The following SLC35F5 variants were observed in gnomAD, a reference collection of about 807,000 sequenced individuals.
SLC35F5 encodes HCV NS5A-transactivated protein 3.
A neutral mutation model predicts 68.6 loss-of-function variants in SLC35F5; 54 were observed. The ratio of observed to expected loss-of-function variants is 0.79; its 90% CI spans 0.63 to 0.99. The LOEUF (loss-of-function observed/expected upper bound fraction) is 0.99, where lower values mean the gene tolerates loss of function less well. Among genes scored for constraint, SLC35F5 ranks in the 50% least tolerant of loss-of-function variants. SLC35F5 has a pLI of 0.00. For synonymous variants in SLC35F5, 211 were observed against 205.2 expected (o/e 1.03, Z -0.24); for missense variants, 567 against 626.9 (o/e 0.90, Z 1.02).
At chr2:113,749,155 T>C (rs2104479766) in intron 4 of SLC35F5, among the ~76,000 whole-genome samples, 1 of 152,298 alleles carries the variant, frequency 6.6e-6, no homozygotes, top group Non-Finnish European at 1.5e-5. Flanking sequence ...CCTCCCAGCA[T>C]GCTGGGATTA....
chr2:113,724,911 T>C (rs1343370944), intron 12 of SLC35F5, among the ~76,000 whole-genome samples: 3 of 152,140 alleles, frequency 2.0e-5, no homozygotes, highest in African/African-American at 4.8e-5. Flanking sequence ...GGCTCACCCA[T>C]ATGAAAGGTT....
At chr2:113,728,315 A>T (rs1687747784) in intron 11 of SLC35F5, among the ~76,000 whole-genome samples, 1 of 152,112 alleles carries the variant, frequency 6.6e-6, no homozygotes, top group African/African-American at 2.4e-5. Flanking sequence ...TTTTAAAAAA[A>T]ATTAAATAGA....
rs746238543 is a variant in SLC35F5 at position 113,725,425 on chromosome 2, G to A, written c.1203C>T (p.Ile401=). The change falls in exon 12 of 16, where the codon ATC becomes ATT. Residue 401 remains isoleucine (I), a synonymous_variant. Coordinates refer to ENST00000245680, the MANE Select transcript of SLC35F5 (RefSeq NM_025181.5). ...FPNKVVLMCI[I]INGLIGTVLS... is the part of the protein sequence containing the mutation. ...GTACTGTTCCAATAAGGCCATTAATGATAATGCACATTAATACTACTTTAT... is the reference window on the plus strand; with the variant it reads ...GTACTGTTCCAATAAGGCCATTAATAATAATGCACATTAATACTACTTTAT... 3.9e-5 allele frequency: 63 copies of A among 1,611,478 alleles called. No individual in the cohort carries two copies. The highest frequency in any genetic ancestry group is 1.7e-4 in the Middle Eastern group (1 of 6,026).
Position 113,719,309 on chromosome 2 carries a change from C to A in SLC35F5, c.1342-1G>T. The A allele has an allele frequency of 6.5e-7, 1 of 1,542,852 alleles. No homozygotes were observed. ...CAAAAAATAACCAAGAAAACTGCAC[C>A]TAAAAATAAAAGATAGAGGAAAAAA... On this transcript the variant is annotated splice_acceptor_variant, in intron 13 of 15. Coordinates refer to ENST00000245680, the MANE Select transcript of SLC35F5 (RefSeq NM_025181.5). LOFTEE classifies it high-confidence loss of function.
At position 113,708,406 on chromosome 2, in the gene SLC35F5, TAA is replaced by T. The variant is rs1686863134; in HGVS notation, c.*6810_*6811del. 6.6e-6 allele frequency among the ~76,000 whole-genome samples: 1 copy of T among 152,142 alleles called. No homozygotes were observed. Among genetic ancestry groups the T allele is most frequent in the Admixed American group, 6.5e-5 (1 of 15,270 alleles). Reference sequence around the variant, plus strand: ...TAGTGAACACCCTAGTGACAACTTTTAAATAAAATACTGGATAGCTGGGCGCA... The same window carrying T: ...TAGTGAACACCCTAGTGACAACTTTTATAAAATACTGGATAGCTGGGCGCA... On this transcript the variant is annotated 3_prime_UTR_variant, in exon 16 of 16. Coordinates refer to ENST00000245680, the MANE Select transcript of SLC35F5 (RefSeq NM_025181.5).
At chr2:113,729,090 C>A (rs974073560) in intron 11 of SLC35F5, among the ~76,000 whole-genome samples, 1 of 152,192 alleles carries the variant, frequency 6.6e-6, no homozygotes, top group Admixed American at 6.5e-5. Context: ...CTCTCACATG[C>A]TTGTAAGAGC....
At chr2:113,734,553 C>T (rs919578300) in intron 9 of SLC35F5, 33 bp downstream of exon 9, 18 of 1,207,416 alleles carry the variant, frequency 1.5e-5, no homozygotes, top group Non-Finnish European at 1.9e-5. Flanking sequence ...TATTTTTAAG[C>T]AGAGCAAACT....
At position 113,707,914 on chromosome 2, in the gene SLC35F5, T is replaced by C. The variant is rs1574193194; in HGVS notation, c.*7304A>G. 6.6e-6 allele frequency among the ~76,000 whole-genome samples: 1 copy of C among 152,202 alleles called. No individual in the cohort carries two copies. The highest frequency in any genetic ancestry group is 1.5e-5 in the Non-Finnish European group (1 of 68,042). On this transcript the variant is annotated 3_prime_UTR_variant, in exon 16 of 16. Coordinates refer to ENST00000245680, the MANE Select transcript of SLC35F5 (RefSeq NM_025181.5). ...CTAGTTGAACCTTTATACTACAATGTATCCTGGCACTTATTTTTTTTAAAC... is the reference window on the plus strand; with the variant it reads ...CTAGTTGAACCTTTATACTACAATGCATCCTGGCACTTATTTTTTTTAAAC...
At chr2:113,705,769 T>TTCCCTAAGAGTATTTTTACTCTC (rs1559296481), downstream of SLC35F5, among the ~76,000 whole-genome samples, 2 of 151,720 alleles carry the variant, frequency 1.3e-5, no homozygotes, top group African/African-American at 2.4e-5. Flanking sequence ...TTTTTACTCT[T>TTCCCTAAGAGTATTTTTACTCTC]TCCCAAAGCT....
Position 113,712,934 on chromosome 2 carries a change from T to C in SLC35F5, c.*2284A>G, listed in dbSNP as rs1279936952. 6.6e-6 allele frequency: 1 copy of C among 152,168 alleles called. No individual in the cohort carries two copies. Among genetic ancestry groups the C allele is most frequent in the African/African-American group, 2.4e-5 (1 of 41,436 alleles). 9.4% of individuals were successfully genotyped at this position (152,168 alleles called of 1,614,324 possible). Reference sequence around the variant, plus strand: ...TTCCAAAGACCTGCAATGTGCTCATTGTGATCCAAGGGCCTTGTTACCTAG... The same window carrying C: ...TTCCAAAGACCTGCAATGTGCTCATCGTGATCCAAGGGCCTTGTTACCTAG... On this transcript the variant is annotated 3_prime_UTR_variant, in exon 16 of 16. Coordinates refer to ENST00000245680, the MANE Select transcript of SLC35F5 (RefSeq NM_025181.5).
chr2:113,749,526 G>A (rs963897338), intron 4 of SLC35F5, among the ~76,000 whole-genome samples: 2 of 152,078 alleles, frequency 1.3e-5, no homozygotes, highest in African/African-American at 4.8e-5. Flanking sequence ...TTTTAAAAAG[G>A]ATGTACTTAT....
At chr2:113,734,853 A>G (rs531459045) in intron 8 of SLC35F5, among the ~76,000 whole-genome samples, 180 bp from the exon 9 acceptor site, 2 of 152,344 alleles carry the variant, frequency 1.3e-5, no homozygotes, top group Admixed American at 1.3e-4. Context: ...TTTAAAGTTC[A>G]TGCATAAAAT....
intron 4 of SLC35F5, among the ~76,000 whole-genome samples, chr2:113,748,729 TG>T (rs1373528323): frequency 6.6e-6 from 1 of 152,210 alleles, no homozygotes; most frequent in African/African-American, 2.4e-5. Context: ...CTCATATTTT[TG>T]GTAAGTTAAA....
chr2:113,709,491 C>G lies in SLC35F5; in HGVS notation c.*5727G>C, dbSNP rs1253458584. On this transcript the variant is annotated 3_prime_UTR_variant, in exon 16 of 16. Coordinates refer to ENST00000245680, the MANE Select transcript of SLC35F5 (RefSeq NM_025181.5). ...AGCATTTTTCAAGCATCCAGGCACGCTGGGCCTGGTATTTCAATTAGAGTT... is the reference window on the plus strand; with the variant it reads ...AGCATTTTTCAAGCATCCAGGCACGGTGGGCCTGGTATTTCAATTAGAGTT... Among the ~76,000 whole-genome samples, 2 of 152,236 alleles carry G rather than the reference C, an allele frequency of 1.3e-5. No homozygotes were observed. Among genetic ancestry groups the G allele is most frequent in the African/African-American group, 2.4e-5 (1 of 41,464 alleles).
Position 113,719,256 on chromosome 2 carries a change from A to G in SLC35F5, c.1394T>C (p.Phe465Ser). Residue 465 changes from phenylalanine to serine, a missense_variant, in exon 14 of 16, where the codon TTT becomes TCT. Transcript: ENST00000245680. ...ATGGCATAGGAGAGTTACAATAAAA[A>G]ATGAAAAAAATACAGGGATAGCTCC... ...FAGAIPVFFSFFIVTLLCHYN... is the reference protein window; with the variant it reads ...FAGAIPVFFSSFIVTLLCHYN... 1 of 1,598,266 alleles carries G rather than the reference A, an allele frequency of 6.3e-7. No homozygotes were observed. Among genetic ancestry groups the G allele is most frequent in the Non-Finnish European group, 8.5e-7 (1 of 1,177,280 alleles).
In SLC35F5 at chr2:113,717,820, ACT is replaced by A. The variant is rs749422013; in HGVS notation, c.1525_1526del (p.Leu510HisfsTer13). On this transcript the variant is annotated frameshift_variant, in exon 15 of 16. Transcript: ENST00000245680. LOFTEE classifies it high-confidence loss of function. Reference sequence around the variant, plus strand: ...GAGAAACACTGTGCATAGAAATGAGACTCTCACACTGTTCGCTGTCTTCTGGA... The same window carrying A: ...GAGAAACACTGTGCATAGAAATGAGACTCACACTGTTCGCTGTCTTCTGGA... ...RVPEDSEQCE[S>X]LISMHSVSQE... 1 of 1,612,582 alleles carries A rather than the reference ACT, an allele frequency of 6.2e-7. No homozygotes were observed. The highest frequency in any genetic ancestry group is 8.5e-7 in the Non-Finnish European group (1 of 1,179,408).
intron 5 of SLC35F5, among the ~76,000 whole-genome samples, chr2:113,744,874 T>C (rs761744700): frequency 2.0e-5 from 3 of 152,226 alleles, no homozygotes; most frequent in Non-Finnish European, 4.4e-5. Flanking sequence ...TATTTTTAGG[T>C]AGTTATAAAT....
intron 10 of SLC35F5, among the ~76,000 whole-genome samples, chr2:113,730,773 G>A (rs1273609603): frequency 6.6e-6 from 1 of 152,112 alleles, no homozygotes; most frequent in East Asian, 1.9e-4. Context: ...TTAAGTCTAA[G>A]CAATGGATCA....
chr2:113,751,777 C>G (rs1676749831), intron 3 of SLC35F5, among the ~76,000 whole-genome samples: 1 of 151,598 alleles, frequency 6.6e-6, no homozygotes, highest in African/African-American at 2.4e-5. Context: ...GCCACTGCAC[C>G]ATTCCATACT....
Sources: allele counts gnomAD v4.1 joint callset (sites outside exome capture counted in the v4.1 genomes callset), GRCh38; gene constraint gnomAD v4.1.1; transcripts MANE v1.5; gene names NCBI Gene and HGNC (gene_info 2026-07-23, HGNC 2026-07-21).